PRKN: variants seen among roughly 807,000 people sequenced by gnomAD.
The protein encoded by PRKN is parkin RBR E3 ubiquitin protein ligase.
A neutral mutation model predicts 59.5 loss-of-function variants in PRKN; 56 were observed. That is an observed-to-expected ratio of 0.94 (90% CI 0.76 to 1.18). PRKN has a LOEUF of 1.18. Among genes scored for constraint, PRKN ranks in the 50% most tolerant of loss-of-function variants. The pLI, the probability that PRKN is intolerant of heterozygous loss-of-function variation, is 0.00. For synonymous variants in PRKN, 250 were observed against 222.1 expected (o/e 1.13, Z -1.12); for missense variants, 657 against 596.4 (o/e 1.10, Z -1.06).
At chr6:162,406,467 ACT>A (rs1369150129) in intron 2 of PRKN, among the ~76,000 whole-genome samples, 4 of 151,832 alleles carry the variant, frequency 2.6e-5, no homozygotes, top group Admixed American at 1.3e-4. Flanking sequence ...TTAGATATAG[ACT>A]CTCTATGCAG....
intron 6 of PRKN, among the ~76,000 whole-genome samples, chr6:161,854,148 A>C (rs1793550640): frequency 6.6e-6 from 1 of 151,406 alleles, no homozygotes; most frequent in Non-Finnish European, 1.5e-5. Context: ...CCAGCTACCC[A>C]GGAAGCCAAG....
chr6:161,400,713 T>C lies in PRKN; in HGVS notation c.1084-13836A>G, dbSNP rs932271485. ...CAGCCTTTGGACGACCCATATGAGT[T>C]TCACTTCACACTGTGTTGAAGAAAA... On this transcript the variant is annotated intron_variant, in intron 9 of 11. Coordinates refer to ENST00000366898, the MANE Select transcript of PRKN (RefSeq NM_004562.3). This position sits in a 1 kb window ranked among gnomAD's most constrained non-coding sequence, Gnocchi z 4.2. Among the ~76,000 whole-genome samples, 11 of 152,124 alleles carry C rather than the reference T, an allele frequency of 7.2e-5. No individual in the cohort carries two copies. Among genetic ancestry groups the C allele is most frequent in the Admixed American group, 5.2e-4 (8 of 15,274 alleles).
chr6:162,642,996 G>A (rs925668385), intron 1 of PRKN, among the ~76,000 whole-genome samples: 15 of 152,160 alleles, frequency 9.9e-5, no homozygotes, highest in Admixed American at 9.8e-4. Context: ...TAAAAGTTTT[G>A]TATATCCTTA....
intron 6 of PRKN, 41 bp downstream of exon 6, chr6:161,973,261 C>G (rs1463688734): frequency 7.7e-7 from 1 of 1,291,334 alleles, no homozygotes; most frequent in Admixed American, 1.7e-5. Context: ...ATCCTTACCT[C>G]ACGTCCGTGG....
At chr6:161,784,911 G>T (rs976738948) in intron 7 of PRKN, among the ~76,000 whole-genome samples, 2 of 152,142 alleles carry the variant, frequency 1.3e-5, no homozygotes, top group Admixed American at 6.5e-5. Context: ...CCACACAGTG[G>T]AATATTATTC....
intron 2 of PRKN, among the ~76,000 whole-genome samples, chr6:162,380,534 C>CAT (rs1165100499): frequency 5.1e-5 from 7 of 136,202 alleles, no homozygotes; most frequent in Admixed American, 1.5e-4. Flanking sequence ...TGTATATATA[C>CAT]ATATATATAT....
intron 2 of PRKN, among the ~76,000 whole-genome samples, chr6:162,278,674 A>G (rs1003597191): frequency 3.3e-5 from 5 of 152,178 alleles, no homozygotes; most frequent in Admixed American, 6.5e-5. Context: ...ATGGACTACA[A>G]AAGAAATATC....
intron 3 of PRKN, among the ~76,000 whole-genome samples, chr6:162,234,788 G>A (rs922690616): frequency 4.6e-5 from 7 of 152,208 alleles, no homozygotes; most frequent in African/African-American, 9.6e-5. Flanking sequence ...GACAGACACC[G>A]TCTGTGTTAT....
chr6:161,793,440 T>C (rs1283328366), intron 6 of PRKN, among the ~76,000 whole-genome samples: 1 of 152,076 alleles, frequency 6.6e-6, no homozygotes, highest in Non-Finnish European at 1.5e-5. Context: ...TATTTCAGCA[T>C]ATACAACGTA....
At chr6:161,416,123 C>T (rs1787837487) in intron 9 of PRKN, among the ~76,000 whole-genome samples, 1 of 152,154 alleles carries the variant, frequency 6.6e-6, no homozygotes, top group South Asian at 2.1e-4. Context: ...AATGCTCTGA[C>T]ACAGAGGTCA....
chr6:161,895,065 C>T (rs1777561331), intron 6 of PRKN, among the ~76,000 whole-genome samples: 1 of 152,180 alleles, frequency 6.6e-6, no homozygotes, highest in African/African-American at 2.4e-5. Flanking sequence ...ATTGACTTTC[C>T]TTACATTTGG....
chr6:162,343,326 C>T (rs1784268988), intron 2 of PRKN, among the ~76,000 whole-genome samples: 1 of 152,198 alleles, frequency 6.6e-6, no homozygotes, highest in African/African-American at 2.4e-5. Context: ...ACGCACCTCA[C>T]ATTCTCCACC....
intron 9 of PRKN, among the ~76,000 whole-genome samples, chr6:161,531,367 C>T (rs542517575): frequency 3.9e-4 from 57 of 146,092 alleles, no homozygotes; most frequent in Non-Finnish European, 5.2e-4. Context: ...GATGACAGAG[C>T]GAGACTCCGT....
At position 161,429,453 on chromosome 6, in the gene PRKN, A is replaced by C. The variant is rs1014895567; in HGVS notation, c.1084-42576T>G. ...CCATGGTTAAGAGGGACGGAGAAAT[A>C]ACACGAATGTGGTGAGGCAGGGTGG... On this transcript the variant is annotated intron_variant, in intron 9 of 11. Coordinates refer to ENST00000366898, the MANE Select transcript of PRKN (RefSeq NM_004562.3). The surrounding 1 kb of genome is among the most constrained non-coding windows in gnomAD (Gnocchi z 4.2). Among the ~76,000 whole-genome samples, 1 of 152,202 alleles carries C rather than the reference A, an allele frequency of 6.6e-6. No individual in the cohort carries two copies. Among genetic ancestry groups the C allele is most frequent in the Non-Finnish European group, 1.5e-5 (1 of 68,038 alleles).
intron 4 of PRKN, among the ~76,000 whole-genome samples, chr6:162,070,345 T>C (rs1274147016): frequency 6.6e-6 from 1 of 152,214 alleles, no homozygotes; most frequent in Non-Finnish European, 1.5e-5. Context: ...TCCATGCTTT[T>C]CTTGGAAAAT....
In PRKN at chr6:161,409,328, C is replaced by T. The variant is rs768677466; in HGVS notation, c.1084-22451G>A. Among the ~76,000 whole-genome samples the T allele has an allele frequency of 7.9e-5, 12 of 152,144 alleles. No homozygotes were observed. Among genetic ancestry groups the T allele is most frequent in the Non-Finnish European group, 1.6e-4 (11 of 68,042 alleles). On this transcript the variant is annotated intron_variant, in intron 9 of 11. Coordinates refer to ENST00000366898, the MANE Select transcript of PRKN (RefSeq NM_004562.3). The surrounding 1 kb of genome is among the most constrained non-coding windows in gnomAD (Gnocchi z 4.6). The stretch of plus-strand genomic sequence containing the variant: ...CATTTTGGACAGAAAATCTCTGAGA[C>T]GATGACAGCATTGTGTGTTCTCTAA...
chr6:161,513,198 C>T (rs898836478), intron 9 of PRKN, among the ~76,000 whole-genome samples: 5 of 152,270 alleles, frequency 3.3e-5, no homozygotes, highest in South Asian at 2.1e-4. Context: ...CAAACTGTGA[C>T]GGGATATTCC....
At chr6:161,436,961 C>T (rs754623928) in intron 9 of PRKN, among the ~76,000 whole-genome samples, 9 of 152,086 alleles carry the variant, frequency 5.9e-5, no homozygotes, top group African/African-American at 9.7e-5. Flanking sequence ...ATGAAAATAA[C>T]AACTAGGATG....
intron 2 of PRKN, among the ~76,000 whole-genome samples, chr6:162,298,523 T>C (rs1371972357): frequency 6.6e-6 from 1 of 151,986 alleles, no homozygotes. Context: ...TATGTTTCCC[T>C]GAAGGGAAGG....
Sources: allele counts gnomAD v4.1 joint callset (sites outside exome capture counted in the v4.1 genomes callset), GRCh38; gene constraint gnomAD v4.1.1; non-coding constraint Gnocchi (gnomAD v3.1); transcripts MANE v1.5; gene names NCBI Gene and HGNC (gene_info 2026-07-23, HGNC 2026-07-21).